Variants in AAAS observed in about 807,000 individuals in gnomAD.
AAAS encodes aladin.
In AAAS, 60 loss-of-function variants were observed where a neutral mutation model predicts 75.6. The observed-to-expected ratio is 0.79, with a 90% CI of 0.64 to 0.98. The LOEUF is 0.98. AAAS is among the 50% of genes least tolerant of loss of function. The pLI is 0.00. For synonymous variants in AAAS, 271 were observed against 265.0 expected (o/e 1.02, Z -0.22); for missense variants, 658 against 686.9 (o/e 0.96, Z 0.47).
At chr12:53,315,276 G>C in intron 4 of AAAS, 59 bp downstream of exon 4, 1 of 1,602,306 alleles carries the variant, frequency 6.2e-7, no homozygotes, top group Non-Finnish European at 8.6e-7. Flanking sequence ...ATAGGAATGA[G>C]GGCAGAGTAG....
intron 11 of AAAS, 76 bp downstream of exon 11, chr12:53,308,649 C>G: frequency 6.3e-7 from 1 of 1,598,828 alleles, no homozygotes; most frequent in Non-Finnish European, 8.6e-7. Flanking sequence ...TCCCTTTATC[C>G]CTCAGAGCTG....
At chr12:53,315,478 A>G in intron 3 of AAAS, 52 bp from the exon 4 acceptor site, 2 of 1,522,590 alleles carry the variant, frequency 1.3e-6, no homozygotes, top group South Asian at 2.3e-5. Context: ...GCCTCTTACC[A>G]GGTACCTTCT....
Position 53,320,628 on chromosome 12 carries a change from T to A in AAAS, c.188A>T (p.His63Leu). 6.2e-7 allele frequency: 1 copy of A among 1,614,220 alleles called. No homozygotes were observed. The highest frequency in any genetic ancestry group is 8.5e-7 in the Non-Finnish European group (1 of 1,180,038). The change falls in exon 2 of 16, where the codon CAT becomes CTT. Residue 63 changes from histidine to leucine, a missense_variant. Physicochemically the swap from His to Leu is moderately conservative, Grantham distance 99 (BLOSUM62 -3). Transcript: ENST00000209873. Reference protein sequence around the residue: ...DPLKTPGRLDHGTRTAFIHHR... With the variant: ...DPLKTPGRLDLGTRTAFIHHR... ...ATGGATGAAGGCAGTTCTTGTGCCATGGTCCAGCCTTCCAGGGGTCTTTAG... is the reference window on the plus strand; with the variant it reads ...ATGGATGAAGGCAGTTCTTGTGCCAAGGTCCAGCCTTCCAGGGGTCTTTAG...
At chr12:53,320,916 T>C (rs1235737305) in intron 1 of AAAS, 3 of 596,942 alleles carry the variant, frequency 5.0e-6, no homozygotes, top group South Asian at 2.0e-5. Flanking sequence ...TGAAACCATA[T>C]GACATTTTTA....
At chr12:53,316,670 A>G (rs1944466911) in intron 2 of AAAS, among the ~76,000 whole-genome samples, 1 of 147,388 alleles carries the variant, frequency 6.8e-6, no homozygotes. Context: ...CTGAGGCAGG[A>G]GAATCGCCTG....
intron 2 of AAAS, among the ~76,000 whole-genome samples, chr12:53,320,075 G>A (rs571524232): frequency 4.0e-5 from 6 of 150,720 alleles, no homozygotes; most frequent in East Asian, 3.9e-4. Context: ...AGCTGAGCAC[G>A]CCACTGCACT....
intron 11 of AAAS, 82 bp from the exon 12 acceptor site, chr12:53,308,610 C>T (rs1944334311): frequency 1.3e-6 from 2 of 1,598,552 alleles, no homozygotes; most frequent in East Asian, 4.5e-5. Context: ...AAGGCATCAA[C>T]ACCTCGAAAT....
At position 53,309,249 on chromosome 12, in the gene AAAS, G is replaced by C. The variant is rs145196232; in HGVS notation, c.843C>G (p.Pro281=). 535 of 1,614,060 alleles carry C rather than the reference G, an allele frequency of 3.3e-4. 8 individuals are homozygous for C. The East Asian group carries it at 0.012, about 36-fold the overall frequency. Residue 281 remains proline, a synonymous_variant, in exon 9 of 16, where the codon CCC becomes CCG. Coordinates refer to ENST00000209873, the MANE Select transcript of AAAS (RefSeq NM_015665.6). The part of the protein sequence containing the change: ...VWDVSTETCV[P]LPWFRGGGVT... ...CCCCACCTCCTCGGAACCAGGGAAG[G>C]GGGACACAGGTCTCTGTTGAGACAT...
At chr12:53,317,556 C>CA (rs34260054) in intron 2 of AAAS, among the ~76,000 whole-genome samples, 40 of 140,836 alleles carry the variant, frequency 2.8e-4, no homozygotes, top group South Asian at 4.5e-4. Flanking sequence ...GACTCCGTCT[C>CA]AAAAAAAAAA....
At position 53,321,582 on chromosome 12, in the gene AAAS, C is replaced by CAAACGGCGAGG; in HGVS notation, c.-128_-118dup. 1 of 1,561,444 alleles carries CAAACGGCGAGG rather than the reference C, an allele frequency of 6.4e-7. No homozygotes were observed. The highest frequency in any genetic ancestry group is 8.7e-7 in the Non-Finnish European group (1 of 1,144,744). Reference sequence around the variant, plus strand: ...GTATGCGGACGGGTACCGCAAGGGACAAACGGCGAGGCGGAACTCAACGGA... The same window carrying CAAACGGCGAGG: ...GTATGCGGACGGGTACCGCAAGGGACAAACGGCGAGGAAACGGCGAGGCGGAACTCAACGGA... On this transcript the variant is annotated 5_prime_UTR_variant, in exon 1 of 16. Coordinates refer to ENST00000209873, the MANE Select transcript of AAAS (RefSeq NM_015665.6).
At position 53,318,249 on chromosome 12, in the gene AAAS, T is replaced by TGTGTGC. The variant is rs1555191462; in HGVS notation, c.251+2315_251+2316insGCACAC. 3.4e-3 allele frequency among the ~76,000 whole-genome samples: 482 copies of TGTGTGC among 140,776 alleles called. 1 individual carries two copies. The highest frequency in any genetic ancestry group is 4.8e-3 in the South Asian group (21 of 4,354). 92.4% of individuals were successfully genotyped at this position (140,776 alleles called of 152,430 possible). A position where few individuals can be genotyped will look rare whatever the true frequency, so the allele number is the denominator to read the frequency against. On this transcript the variant is annotated intron_variant, in intron 2 of 15. Transcript: ENST00000209873. Reference sequence around the variant, plus strand: ...GTGTGTGTGTGTGTGTGTGTGCGTGTGTGTGTGTGTGTGTGTGTGTGTGTT... The same window carrying TGTGTGC: ...GTGTGTGTGTGTGTGTGTGTGCGTGTGTGTGCGTGTGTGTGTGTGTGTGTGTGTGTT...
intron 1 of AAAS, 99 bp from the exon 2 acceptor site, chr12:53,320,791 A>T: frequency 7.2e-7 from 1 of 1,393,040 alleles, no homozygotes; most frequent in Non-Finnish European, 1.0e-6. Flanking sequence ...AGTATAAGAG[A>T]TTCCAGAGGT....
At position 53,307,697 on chromosome 12, in the gene AAAS, C is replaced by T. The variant is rs781738941; in HGVS notation, c.1433G>A (p.Arg478Gln). The part of the protein sequence containing the change: ...ALLSVGWSTG[R>Q]IAHIPLYFVN... Reference sequence around the variant, plus strand: ...AAAGTACAGCGGGATGTGGGCAATTCGGCCTGTGGACCAGCCCTGCAGAGA... The same window carrying T: ...AAAGTACAGCGGGATGTGGGCAATTTGGCCTGTGGACCAGCCCTGCAGAGA... The change falls in exon 16 of 16, where the codon CGA (arginine) becomes CAA (glutamine). Residue 478 changes from arginine to glutamine, a missense_variant. Physicochemically the swap from Arg to Gln is conservative, Grantham distance 43. Coordinates refer to ENST00000209873, the MANE Select transcript of AAAS (RefSeq NM_015665.6). 8 of 1,613,954 alleles carry T rather than the reference C, an allele frequency of 5.0e-6. No individual in the cohort carries two copies. The East Asian group carries it at 1.3e-4, about 27-fold the overall frequency.
chr12:53,309,312 A>G (rs200423748), intron 8 of AAAS, 31 bp from the exon 9 acceptor site: 1 of 1,612,038 alleles, frequency 6.2e-7, no homozygotes, highest in Non-Finnish European at 8.5e-7. Flanking sequence ...ATAAGGGAAA[A>G]CTCAAGCACC....
intron 4 of AAAS, 44 bp downstream of exon 4, chr12:53,315,291 G>C (rs753772995): frequency 2.5e-6 from 4 of 1,607,354 alleles, no homozygotes; most frequent in Non-Finnish European, 3.4e-6. Context: ...GAGTAGGATG[G>C]GGACACAGCA....
chr12:53,320,502 G>A, intron 2 of AAAS, 63 bp downstream of exon 2: 5 of 1,609,354 alleles, frequency 3.1e-6, no homozygotes, highest in Non-Finnish European at 4.2e-6. Context: ...AAGGTAAAGG[G>A]GTGTTGACTC....
chr12:53,307,781 A>G (rs1944312654), intron 15 of AAAS, 64 bp downstream of exon 15: 6 of 1,612,722 alleles, frequency 3.7e-6, no homozygotes, highest in Non-Finnish European at 4.2e-6. Flanking sequence ...AGAGCCATAC[A>G]GCAGCCAAGG....
At chr12:53,315,296 A>G in intron 4 of AAAS, 39 bp downstream of exon 4, 1 of 1,609,532 alleles carries the variant, frequency 6.2e-7, no homozygotes, top group Non-Finnish European at 8.5e-7. Flanking sequence ...GGATGGGGAC[A>G]CAGCAAATGC....
chr12:53,308,085 G>T lies in AAAS; in HGVS notation c.1298C>A (p.Thr433Asn), dbSNP rs757169475. The T allele has an allele frequency of 1.2e-6, 2 of 1,614,206 alleles. No homozygotes were observed. The highest frequency in any genetic ancestry group is 1.7e-6 in the Non-Finnish European group (2 of 1,180,036). Residue 433 changes from threonine to asparagine, a missense_variant, in exon 14 of 16, where the codon ACT becomes AAT. By Grantham distance (65) the Thr-to-Asn change is moderately conservative (BLOSUM62 0). Transcript: ENST00000209873. Reference protein sequence around the residue: ...DGKPVILLFRTRNSPVFELLP... With the variant: ...DGKPVILLFRNRNSPVFELLP... ...GAGCTCAAACACAGGGCTGTTTCGA[G>T]TGCGAAAAAGGAGGATGACTGGTTT...
Sources: gnomAD v4.1 joint callset for allele counts (sites outside exome capture counted in the v4.1 genomes callset) on GRCh38, gnomAD v4.1.1 for gene constraint, MANE v1.5 for transcripts, NCBI Gene and HGNC (gene_info 2026-07-23, HGNC 2026-07-21) for gene names.